Variants in FAT3 observed in about 807,000 individuals in gnomAD.
The protein encoded by FAT3 is FAT atypical cadherin 3.
Under a neutral mutation model 310.2 loss-of-function variants are expected in FAT3, and 95 were observed. The observed-to-expected ratio is 0.31, with a 90% CI of 0.26 to 0.36. FAT3 has a LOEUF of 0.36. Ranked by LOEUF, FAT3 falls within the 10% of genes least tolerant of loss-of-function variation. The pLI, the probability that FAT3 is intolerant of heterozygous loss-of-function variation, is 1.00. For synonymous variants in FAT3, 2,314 were observed against 2,192.9 expected (o/e 1.06, Z -1.54); for missense variants, 5,408 against 5,715.6 (o/e 0.95, Z 1.74).
At chr11:92,586,179 T>C (rs1002480355) in intron 3 of FAT3, among the ~76,000 whole-genome samples, 4 of 152,044 alleles carry the variant, frequency 2.6e-5, no homozygotes, top group African/African-American at 7.2e-5. Flanking sequence ...TCTCAAAGTA[T>C]ATATTCAGCC....
chr11:92,736,472 T>C (rs1591664834), intron 4 of FAT3, among the ~76,000 whole-genome samples: 1 of 152,208 alleles, frequency 6.6e-6, no homozygotes, highest in South Asian at 2.1e-4. Flanking sequence ...TGAAATTGAG[T>C]AGAAGAATGG....
At chr11:92,698,471 C>G (rs1944003131) in intron 4 of FAT3, among the ~76,000 whole-genome samples, 1 of 152,152 alleles carries the variant, frequency 6.6e-6, no homozygotes, top group African/African-American at 2.4e-5. Flanking sequence ...GTTTCCCCTA[C>G]TATGAAATTT....
intron 2 of FAT3, among the ~76,000 whole-genome samples, chr11:92,362,733 A>G (rs1326019999): frequency 1.3e-5 from 2 of 152,202 alleles, no homozygotes; most frequent in Non-Finnish European, 2.9e-5. Flanking sequence ...GTTTTCTGCC[A>G]GGACCTTGAC....
intron 22 of FAT3, among the ~76,000 whole-genome samples, chr11:92,868,340 G>A (rs1949298830): frequency 5.9e-5 from 9 of 152,172 alleles, no homozygotes; most frequent in Admixed American, 5.9e-4. Context: ...CACAATGAGG[G>A]CCAAGTACCC....
At chr11:92,537,136 C>T (rs1276171858) in intron 3 of FAT3, among the ~76,000 whole-genome samples, 2 of 152,132 alleles carry the variant, frequency 1.3e-5, no homozygotes, top group Non-Finnish European at 2.9e-5. Context: ...TGCTTTGCAT[C>T]CATTTCAACC....
At chr11:92,882,115 G>GT (rs773064427) in intron 23 of FAT3, among the ~76,000 whole-genome samples, 19 of 152,312 alleles carry the variant, frequency 1.2e-4, no homozygotes, top group Non-Finnish European at 1.8e-4. Context: ...AACTTAAAGG[G>GT]TTTGGAGTAT....
chr11:92,824,698 C>T (rs1948059570), intron 13 of FAT3, among the ~76,000 whole-genome samples: 3 of 151,896 alleles, frequency 2.0e-5, no homozygotes, highest in Admixed American at 2.0e-4. Flanking sequence ...CAAACATGCT[C>T]TTAACCTAGA....
chr11:92,665,516 G>A (rs1278967571), intron 3 of FAT3, among the ~76,000 whole-genome samples: 1 of 152,176 alleles, frequency 6.6e-6, no homozygotes, highest in Non-Finnish European at 1.5e-5. Context: ...TCTCCTAGAG[G>A]TAGTTCTTCT....
rs572671180 is a variant in FAT3 at position 92,462,753 on chromosome 11, C to G, written c.3293-61881C>G. Among the ~76,000 whole-genome samples the G allele has an allele frequency of 7.9e-5, 12 of 152,296 alleles. 1 individual carries two copies. The South Asian group carries it at 2.5e-3, about 32-fold the overall frequency. ...TAGCTTTCCATTTCAACAACTTGTTCAGTGACAGATTTTCCTTTGTTGATG... is the reference window on the plus strand; with the variant it reads ...TAGCTTTCCATTTCAACAACTTGTTGAGTGACAGATTTTCCTTTGTTGATG... On this transcript the variant is annotated intron_variant, in intron 2 of 27. Transcript: ENST00000525166.
intron 7 of FAT3, among the ~76,000 whole-genome samples, chr11:92,777,117 T>C (rs535199711): frequency 6.6e-6 from 1 of 152,330 alleles, no homozygotes; most frequent in Admixed American, 6.5e-5. Context: ...GATTCTACCA[T>C]CAAACAGATA....
intron 3 of FAT3, among the ~76,000 whole-genome samples, chr11:92,605,076 C>T (rs1408412441): frequency 6.6e-6 from 1 of 152,160 alleles, no homozygotes; most frequent in Non-Finnish European, 1.5e-5. Context: ...AAGCCTTCCC[C>T]AGTAACTGCA....
intron 1 of FAT3, among the ~76,000 whole-genome samples, chr11:92,288,509 G>C (rs867269456): frequency 6.6e-6 from 1 of 152,066 alleles, no homozygotes; most frequent in Non-Finnish European, 1.5e-5. Context: ...ATCTCCTGTC[G>C]TTTAACTCTA....
At chr11:92,755,854 C>T (rs1374831272) in intron 4 of FAT3, among the ~76,000 whole-genome samples, 4 of 152,042 alleles carry the variant, frequency 2.6e-5, no homozygotes, top group East Asian at 1.9e-4. Flanking sequence ...AATCTGTGTT[C>T]GTCGGTTGGT....
intron 2 of FAT3, among the ~76,000 whole-genome samples, chr11:92,364,178 C>A (rs1169384333): frequency 1.3e-5 from 2 of 152,110 alleles, no homozygotes; most frequent in Non-Finnish European, 2.9e-5. Context: ...CTTGTGTGGT[C>A]TTTTCTCTGT....
intron 3 of FAT3, among the ~76,000 whole-genome samples, chr11:92,579,995 A>T (rs1399573834): frequency 6.6e-6 from 1 of 152,150 alleles, no homozygotes; most frequent in Non-Finnish European, 1.5e-5. Context: ...CTAGAATATT[A>T]CATAAACACA....
chr11:92,364,680 CAA>C (rs1176936772), intron 2 of FAT3, among the ~76,000 whole-genome samples: 1 of 152,146 alleles, frequency 6.6e-6, no homozygotes, highest in Non-Finnish European at 1.5e-5. Flanking sequence ...ACAGAATCTA[CAA>C]AGAGTTGTGT....
At chr11:92,586,176 G>T (rs1939145600) in intron 3 of FAT3, among the ~76,000 whole-genome samples, 1 of 151,994 alleles carries the variant, frequency 6.6e-6, no homozygotes, top group African/African-American at 2.4e-5. Flanking sequence ...TATTCTCAAA[G>T]TATATATTCA....
intron 3 of FAT3, among the ~76,000 whole-genome samples, chr11:92,543,055 T>C (rs574627417): frequency 6.6e-6 from 1 of 152,228 alleles, no homozygotes; most frequent in East Asian, 1.9e-4. Context: ...GATATTATGT[T>C]AAGTGAAATA....
intron 25 of FAT3, among the ~76,000 whole-genome samples, chr11:92,888,470 G>T (rs1420127498): frequency 6.6e-6 from 1 of 152,156 alleles, no homozygotes; most frequent in African/African-American, 2.4e-5. Context: ...TGCCCTTTTA[G>T]GGTTAACCTT....
Sources: allele counts gnomAD v4.1 joint callset (sites outside exome capture counted in the v4.1 genomes callset), GRCh38; gene constraint gnomAD v4.1.1; transcripts MANE v1.5; gene names NCBI Gene and HGNC (gene_info 2026-07-23, HGNC 2026-07-21).